Variants in INSL6 observed in about 807,000 individuals in gnomAD.
The protein encoded by INSL6 is insulin like 6.
Under a neutral mutation model 9.4 loss-of-function variants are expected in INSL6, and 16 were observed. That is an observed-to-expected ratio of 1.70 (90% CI 1.15 to 2.59). The LOEUF is 2.59. Ranked by LOEUF, INSL6 falls within the 30% of genes most tolerant of loss-of-function variation. The probability of loss-of-function intolerance (pLI) is 0.00; values close to 1 mark genes in which losing one functional copy is unlikely to be tolerated. For synonymous variants in INSL6, 154 were observed against 96.9 expected (o/e 1.59, Z -3.46); for missense variants, 391 against 257.3 (o/e 1.52, Z -3.56).
intron 1 of INSL6, among the ~76,000 whole-genome samples, chr9:5,175,478 T>C (rs562516785): frequency 1.4e-4 from 21 of 152,220 alleles, no homozygotes; most frequent in African/African-American, 4.8e-4. Context: ...AATGACTCCT[T>C]GCATCACCCC....
chr9:5,150,846 G>GACACACACACAC lies in INSL6; in HGVS notation c.376+13321_376+13332dup, dbSNP rs59479266. Among the ~76,000 whole-genome samples the GACACACACACAC allele has an allele frequency of 2.0e-3, 295 of 146,386 alleles. 3 individuals carry two copies. Among genetic ancestry groups the GACACACACACAC allele is most frequent in the African/African-American group, 6.9e-3 (275 of 39,850 alleles). On this transcript the variant is annotated intron_variant, in intron 2 of 3. Transcript: ENST00000649639. ...CATCAACAGATGACTGGATAAAGGA[G>GACACACACACAC]ACACACACACACACACACACACACA...
the INSL6 span, among the ~76,000 whole-genome samples, chr9:4,997,310 C>T: frequency 2.0e-5 from 3 of 152,240 alleles, no homozygotes; most frequent in Non-Finnish European, 2.9e-5. Flanking sequence ...TTAATTGGCT[C>T]ATGGTTCTGC....
chr9:5,139,221 T>A (rs1276588311), intron 2 of INSL6, among the ~76,000 whole-genome samples: 1 of 152,158 alleles, frequency 6.6e-6, no homozygotes, highest in Non-Finnish European at 1.5e-5. Context: ...CTAATGGGTG[T>A]GTAGTATAGC....
At chr9:5,005,115 T>A in the INSL6 span, among the ~76,000 whole-genome samples, 1 of 94,552 alleles carries the variant, frequency 1.1e-5, no homozygotes, top group Non-Finnish European at 2.1e-5. Flanking sequence ...TTTTTTTTTT[T>A]TTTTTTTTTT....
chr9:5,041,502 G>A, the INSL6 span: 10 of 576,476 alleles, frequency 1.7e-5, no homozygotes, highest in South Asian at 1.2e-4. Context: ...GAAGATCGGG[G>A]ACACATAGCG....
chr9:5,157,786 T>C (rs892593657), intron 2 of INSL6, among the ~76,000 whole-genome samples: 2 of 152,086 alleles, frequency 1.3e-5, no homozygotes, highest in Non-Finnish European at 1.5e-5. Flanking sequence ...AATGCTCAGA[T>C]ACTAATGAAC....
chr9:5,175,808 C>A (rs1260240193), intron 1 of INSL6, among the ~76,000 whole-genome samples: 1 of 152,106 alleles, frequency 6.6e-6, no homozygotes, highest in Non-Finnish European at 1.5e-5. Context: ...TCCCATCACC[C>A]CCAGATGGGA....
At chr9:5,117,262 A>G in the INSL6 span, among the ~76,000 whole-genome samples, 2 of 152,366 alleles carry the variant, frequency 1.3e-5, no homozygotes, top group Middle Eastern at 3.4e-3. Context: ...AGCAGCATAC[A>G]TGGACGCCCA....
the INSL6 span, among the ~76,000 whole-genome samples, chr9:5,020,780 A>G: frequency 2.6e-5 from 4 of 152,062 alleles, no homozygotes; most frequent in Non-Finnish European, 4.4e-5. Flanking sequence ...CTTTGGTCCC[A>G]GAGGCGGCAG....
intron 3 of INSL6, among the ~76,000 whole-genome samples, chr9:5,125,690 G>A (rs1167839778): frequency 1.2e-5 from 1 of 82,010 alleles, no homozygotes; most frequent in East Asian, 2.9e-4. Context: ...TTGCCAAGTT[G>A]ATAGGGGAGA....
At chr9:5,045,463 T>C in the INSL6 span, among the ~76,000 whole-genome samples, 7 of 152,206 alleles carry the variant, frequency 4.6e-5, no homozygotes, top group Non-Finnish European at 8.8e-5. Context: ...TACAGTTCAG[T>C]TGTATTAAGT....
the INSL6 span, chr9:5,114,045 G>T: frequency 3.1e-6 from 1 of 322,548 alleles, no homozygotes; most frequent in South Asian, 3.0e-5. Context: ...ACTGGAGGAT[G>T]AGCTGGCCTC....
At chr9:5,065,375 A>C in the INSL6 span, among the ~76,000 whole-genome samples, 4 of 152,208 alleles carry the variant, frequency 2.6e-5, no homozygotes, top group Non-Finnish European at 4.4e-5. Flanking sequence ...CCACAGTGCA[A>C]AATTTGAAAA....
chr9:5,014,548 G>C, the INSL6 span, among the ~76,000 whole-genome samples: 1 of 152,112 alleles, frequency 6.6e-6, no homozygotes, highest in Non-Finnish European at 1.5e-5. Flanking sequence ...AACAGCTGTG[G>C]CCACTTGAGT....
chr9:5,066,803 A>G, the INSL6 span: 1 of 1,199,918 alleles, frequency 8.3e-7, no homozygotes, highest in Non-Finnish European at 1.2e-6. Flanking sequence ...AGTATGTCAC[A>G]CTTATTAGTG....
chr9:5,149,687 T>C (rs1439333998), intron 2 of INSL6, among the ~76,000 whole-genome samples: 3 of 136,364 alleles, frequency 2.2e-5, no homozygotes, highest in South Asian at 5.2e-4. Flanking sequence ...TAAATACAAT[T>C]CCTATCAAAA....
the INSL6 span, chr9:5,100,270 A>G: frequency 4.6e-5 from 7 of 152,320 alleles, no homozygotes; most frequent in Admixed American, 6.5e-5. Flanking sequence ...CATATAGTCA[A>G]ACCCAGCCCC....
chr9:5,080,970 A>C, the INSL6 span, among the ~76,000 whole-genome samples: 5 of 135,696 alleles, frequency 3.7e-5, no homozygotes, highest in African/African-American at 1.1e-4. Flanking sequence ...ATCTCGGCTC[A>C]CTGCAAGCTC....
chr9:5,061,673 G>A, the INSL6 span, among the ~76,000 whole-genome samples: 1 of 152,192 alleles, frequency 6.6e-6, no homozygotes, highest in African/African-American at 2.4e-5. Context: ...CATCAATAAG[G>A]CTGTTCACTT....
Sources: gnomAD v4.1 joint callset for allele counts (sites outside exome capture counted in the v4.1 genomes callset) on GRCh38, gnomAD v4.1.1 for gene constraint, MANE v1.5 for transcripts, NCBI Gene and HGNC (gene_info 2026-07-23, HGNC 2026-07-21) for gene names.